Variants in RLF observed in about 807,000 individuals in gnomAD.
The protein encoded by RLF is RLF zinc finger, also known as zinc finger protein Rlf.
Under a neutral mutation model 162.9 loss-of-function variants are expected in RLF, and 7 were observed. The ratio of observed to expected loss-of-function variants is 0.04; its 90% CI spans 0.02 to 0.08. The LOEUF (loss-of-function observed/expected upper bound fraction) is 0.08. RLF is among the 10% of genes least tolerant of loss of function. RLF has a pLI of 1.00. For synonymous variants in RLF, 782 were observed against 791.5 expected (o/e 0.99, Z 0.20); for missense variants, 1,664 against 2,244.7 (o/e 0.74, Z 5.23).
chr1:40,230,129 GAAGAA>G (rs1384592226), intron 6 of RLF, among the ~76,000 whole-genome samples: 1 of 150,040 alleles, frequency 6.7e-6, no homozygotes, highest in African/African-American at 2.4e-5. Flanking sequence ...AAAAAAAAAA[GAAGAA>G]AAGAAAATCA....
chr1:40,164,413 T>A (rs1157224449), intron 1 of RLF, among the ~76,000 whole-genome samples: 1 of 152,166 alleles, frequency 6.6e-6, no homozygotes, highest in Non-Finnish European at 1.5e-5. Flanking sequence ...TATTTTCAAT[T>A]TTCATAAGTT....
rs1452321067 is a variant in RLF, at chr1:40,231,604, C to T, written c.1035C>T (p.Val345=). ...TGGAGCGCTGTCGTCAGTTTGGTGT[C>T]ATAGCTAAAACGCAGCAGCATTTAT... The part of the protein sequence containing the change: ...TFLERCRQFG[V]IAKTQQHLFC... The change falls in exon 7 of 8, where the codon GTC becomes GTT. Residue 345 remains valine, a synonymous_variant. Transcript: ENST00000372771. 4 of 1,613,900 alleles carry T rather than the reference C, an allele frequency of 2.5e-6. No individual in the cohort carries two copies. The highest frequency in any genetic ancestry group is 3.3e-5 in the Admixed American group (2 of 59,982).
intron 1 of RLF, among the ~76,000 whole-genome samples, chr1:40,171,743 G>A (rs1642247939): frequency 6.6e-6 from 1 of 152,044 alleles, no homozygotes; most frequent in East Asian, 1.9e-4. Flanking sequence ...CATATAGAAT[G>A]TGTGTTTATA....
In RLF at chr1:40,224,623, C is replaced by CTTTT. The variant is rs1168908018; in HGVS notation, c.947+1941_947+1944dup. 2.6e-3 allele frequency among the ~76,000 whole-genome samples: 87 copies of CTTTT among 33,252 alleles called. 2 individuals carry two copies. The highest frequency in any genetic ancestry group is 6.9e-3 in the East Asian group (5 of 724). 21.8% of individuals were successfully genotyped at this position (33,252 alleles called of 152,430 possible). A position where few individuals can be genotyped will look rare whatever the true frequency, so the allele number is the denominator to read the frequency against. ...TTTCCCCTTCCATTGTTTTTGAAAG[C>CTTTT]TTTTTTTTTTTTTTTTTTTTTTTTT... On this transcript the variant is annotated intron_variant, in intron 6 of 7. Transcript: ENST00000372771.
intron 5 of RLF, among the ~76,000 whole-genome samples, chr1:40,208,677 G>T (rs1642827875): frequency 8.0e-6 from 1 of 125,130 alleles, no homozygotes; most frequent in African/African-American, 3.8e-5. Context: ...ACTTAGCTGG[G>T]CGTGGTGGCA....
intron 4 of RLF, among the ~76,000 whole-genome samples, chr1:40,200,912 ACACACACACACACACACACACACACACT>A (rs1204120744): frequency 8.1e-6 from 1 of 123,146 alleles, no homozygotes; most frequent in African/African-American, 3.9e-5. Context: ...ACACACACAC[ACACACACACACACACACACACACACACT>A]GGTTTATCCT....
chr1:40,202,733 C>A (rs1344767775), intron 5 of RLF, 119 bp downstream of exon 5: 7 of 582,248 alleles, frequency 1.2e-5, no homozygotes, highest in Non-Finnish European at 2.0e-5. Context: ...TTCAGGCTAC[C>A]AAAATGTATG....
chr1:40,192,056 T>G (rs1442072970), intron 3 of RLF, among the ~76,000 whole-genome samples: 1 of 152,230 alleles, frequency 6.6e-6, no homozygotes, highest in African/African-American at 2.4e-5. Context: ...TTCTTTCCTC[T>G]GGAATACATA....
chr1:40,200,156 G>GTCCAGAC (rs1191092936), intron 4 of RLF, among the ~76,000 whole-genome samples: 4 of 152,128 alleles, frequency 2.6e-5, no homozygotes, highest in African/African-American at 9.7e-5. Context: ...ACATCCCAAG[G>GTCCAGAC]TCCAGACTCC....
chr1:40,198,596 C>T (rs1489133774), intron 4 of RLF, among the ~76,000 whole-genome samples: 5 of 152,034 alleles, frequency 3.3e-5, no homozygotes, highest in Non-Finnish European at 5.9e-5. Context: ...CCACTGTGCC[C>T]GGCAGAGCTG....
chr1:40,239,707 A>G lies in RLF; in HGVS notation c.5005A>G (p.Arg1669Gly), dbSNP rs1347929036. 6.2e-7 allele frequency: 1 copy of G among 1,614,212 alleles called. No homozygotes were observed. The highest frequency in any genetic ancestry group is 8.5e-7 in the Non-Finnish European group (1 of 1,180,042). ...ATTTGATGCAGATACTCTGCTCTAC[A>G]GGGGAACTTTGAAATGTAATCATAG... ...SVFDADTLLY[R>G]GTLKCNHSSK... The change falls in exon 8 of 8, where the codon AGG becomes GGG. Residue 1669 changes from arginine to glycine, a missense_variant. Coordinates refer to ENST00000372771, the MANE Select transcript of RLF (RefSeq NM_012421.4).
intron 4 of RLF, among the ~76,000 whole-genome samples, chr1:40,196,096 G>A (rs1181104141): frequency 6.6e-6 from 1 of 150,550 alleles, no homozygotes; most frequent in East Asian, 1.9e-4. Context: ...TTTTTCCCGA[G>A]ACGTTGTCTC....
intron 1 of RLF, among the ~76,000 whole-genome samples, chr1:40,185,008 G>A (rs548220772): frequency 5.9e-5 from 9 of 152,084 alleles, no homozygotes; most frequent in Non-Finnish European, 1.2e-4. Flanking sequence ...AGGCCAAGGT[G>A]GGAGGACCAC....
chr1:40,165,953 T>G (rs1642160052), intron 1 of RLF, among the ~76,000 whole-genome samples: 1 of 152,192 alleles, frequency 6.6e-6, no homozygotes, highest in Admixed American at 6.5e-5. Flanking sequence ...ACCCGGGGTC[T>G]TCCTTTCCCC....
chr1:40,162,643 T>C (rs1415192509), intron 1 of RLF, among the ~76,000 whole-genome samples: 2 of 152,214 alleles, frequency 1.3e-5, no homozygotes, highest in African/African-American at 4.8e-5. Flanking sequence ...GGCAATTTGC[T>C]CTGTTGGTCC....
chr1:40,208,065 G>A (rs1239742161), intron 5 of RLF, among the ~76,000 whole-genome samples: 1 of 152,190 alleles, frequency 6.6e-6, no homozygotes, highest in Non-Finnish European at 1.5e-5. Flanking sequence ...TTTATTCTGG[G>A]ATGGATATTG....
intron 1 of RLF, among the ~76,000 whole-genome samples, chr1:40,183,642 G>A (rs953753462): frequency 3.3e-5 from 5 of 152,118 alleles, no homozygotes; most frequent in African/African-American, 1.2e-4. Context: ...TGGTGATTAA[G>A]TGTGGGCTGA....
In RLF at chr1:40,239,182, T is replaced by C. The variant is rs1338937785; in HGVS notation, c.4480T>C (p.Cys1494Arg). The C allele has an allele frequency of 6.2e-7, 1 of 1,614,132 alleles. No individual in the cohort carries two copies. Among genetic ancestry groups the C allele is most frequent in the Non-Finnish European group, 8.5e-7 (1 of 1,180,028 alleles). The change falls in exon 8 of 8, where the codon TGT becomes CGT. Residue 1494 changes from cysteine to arginine, a missense_variant. Around this residue, in one of 15 missense-constraint regions of RLF, gnomAD observed 200 missense variants for 207.3 expected, o/e 0.96. Transcript: ENST00000372771. Reference protein sequence around the residue: ...NERLLRSEKVCQTADTQGHEH... With the variant: ...NERLLRSEKVRQTADTQGHEH... ...GAGACTACTAAGGAGTGAAAAGGTA[T>C]GTCAAACAGCTGATACTCAGGGGCA... is the stretch of plus-strand genomic sequence containing the variant.
At chr1:40,233,416 C>G (rs1318992317) in intron 7 of RLF, among the ~76,000 whole-genome samples, 1 of 152,192 alleles carries the variant, frequency 6.6e-6, no homozygotes, top group Non-Finnish European at 1.5e-5. Flanking sequence ...CTGTCCACCT[C>G]ACAGTCTTCC....
Sources: allele counts gnomAD v4.1 joint callset (sites outside exome capture counted in the v4.1 genomes callset), GRCh38; gene constraint gnomAD v4.1.1; regional missense constraint gnomAD v4.1.1; transcripts MANE v1.5; gene names NCBI Gene and HGNC (gene_info 2026-07-23, HGNC 2026-07-21).